Variants in CSMD1 observed in about 807,000 individuals in gnomAD.
CSMD1 encodes the protein CUB and Sushi multiple domains 1.
Under a neutral mutation model 417.5 loss-of-function variants are expected in CSMD1, and 213 were observed. That is an observed-to-expected ratio of 0.51 (90% CI 0.46 to 0.57). The LOEUF (loss-of-function observed/expected upper bound fraction) is 0.57, where lower values mean the gene tolerates loss of function less well. Among genes scored for constraint, CSMD1 ranks in the 20% least tolerant of loss-of-function variants. The pLI is 0.00. For missense variants in CSMD1, 6,923 were observed against 4,529.7 expected (o/e 1.53, Z -15.17); for synonymous variants, 2,862 against 1,736.8 (o/e 1.65, Z -16.11).
intron 3 of CSMD1, among the ~76,000 whole-genome samples, chr8:4,116,027 GTCTCAC>G: frequency 6.7e-6 from 1 of 150,276 alleles, no homozygotes; most frequent in Non-Finnish European, 1.5e-5. Flanking sequence ...TGGAGAGGGA[GTCTCAC>G]TCTGTCTCCC....
At chr8:4,763,803 A>G (rs902642308) in intron 1 of CSMD1, among the ~76,000 whole-genome samples, 2 of 152,230 alleles carry the variant, frequency 1.3e-5, no homozygotes, top group African/African-American at 2.4e-5. Context: ...AAAGACTGCA[A>G]TTAAAATTAT....
intron 1 of CSMD1, among the ~76,000 whole-genome samples, chr8:4,738,414 G>C (rs1810380398): frequency 2.0e-5 from 3 of 152,112 alleles, no homozygotes; most frequent in African/African-American, 7.2e-5. Context: ...GAAGGAGAAG[G>C]GCTGAGCGAA....
intron 36 of CSMD1, among the ~76,000 whole-genome samples, chr8:3,181,439 C>T (rs749128256): frequency 3.9e-5 from 6 of 152,200 alleles, no homozygotes; most frequent in Non-Finnish European, 8.8e-5. Flanking sequence ...GTCGATGTGA[C>T]ACCTTTCTCT....
intron 1 of CSMD1, among the ~76,000 whole-genome samples, chr8:4,704,700 C>T (rs772080981): frequency 6.6e-6 from 1 of 152,142 alleles, no homozygotes; most frequent in Non-Finnish European, 1.5e-5. Context: ...TGTTTGTTTG[C>T]TTGTGTGCTT....
intron 2 of CSMD1, among the ~76,000 whole-genome samples, chr8:4,628,470 G>A (rs139922935): frequency 0.014 from 2,065 of 147,216 alleles, 24 homozygotes; most frequent in Middle Eastern, 0.065. Context: ...ATATGTATAT[G>A]TATATATACA....
chr8:3,208,318 G>C (rs1264992935), intron 30 of CSMD1, among the ~76,000 whole-genome samples: 1 of 152,166 alleles, frequency 6.6e-6, no homozygotes, highest in African/African-American at 2.4e-5. Flanking sequence ...CCAGGCTGGA[G>C]TGCAGTGGTG....
At chr8:3,623,886 A>G (rs1269417363) in intron 7 of CSMD1, among the ~76,000 whole-genome samples, 1 of 152,102 alleles carries the variant, frequency 6.6e-6, no homozygotes, top group Non-Finnish European at 1.5e-5. Flanking sequence ...CTGAGGCAGG[A>G]GAATCGCTTG....
intron 49 of CSMD1, among the ~76,000 whole-genome samples, chr8:3,075,105 G>A (rs7840624): frequency 6.6e-6 from 1 of 151,942 alleles, no homozygotes; most frequent in East Asian, 1.9e-4. Flanking sequence ...TTTGCTAGGC[G>A]ATGTGCCTGA....
chr8:4,064,102 C>T (rs927905722), intron 3 of CSMD1, among the ~76,000 whole-genome samples: 2 of 152,154 alleles, frequency 1.3e-5, no homozygotes, highest in African/African-American at 4.8e-5. Context: ...ATCTACTCTC[C>T]TGCAGCAAAG....
intron 3 of CSMD1, among the ~76,000 whole-genome samples, chr8:4,358,739 A>G (rs1032003307): frequency 1.3e-5 from 2 of 151,872 alleles, no homozygotes; most frequent in South Asian, 4.1e-4. Context: ...TCTCAAGATA[A>G]GTGTATATGA....
chr8:4,016,381 G>A (rs1311402715), intron 4 of CSMD1, among the ~76,000 whole-genome samples: 5 of 152,070 alleles, frequency 3.3e-5, no homozygotes, highest in African/African-American at 9.7e-5. Context: ...TTGGCTTCCC[G>A]AGATGATCGA....
chr8:4,880,169 G>T (rs1803302038), intron 1 of CSMD1, among the ~76,000 whole-genome samples: 1 of 151,402 alleles, frequency 6.6e-6, no homozygotes, highest in Non-Finnish European at 1.5e-5. Flanking sequence ...CAGACATGTG[G>T]CTGAATTTCT....
intron 52 of CSMD1, among the ~76,000 whole-genome samples, chr8:3,012,823 C>T (rs1808504404): frequency 6.6e-6 from 1 of 152,074 alleles, no homozygotes; most frequent in Non-Finnish European, 1.5e-5. Flanking sequence ...TGGCTGTGTC[C>T]CCACCCAAAT....
chr8:4,287,639 C>G (rs929674049), intron 3 of CSMD1, among the ~76,000 whole-genome samples: 21 of 145,788 alleles, frequency 1.4e-4, no homozygotes, highest in African/African-American at 5.2e-4. Context: ...ATGCTGGCTG[C>G]AGTCTCGTCA....
chr8:4,823,041 G>A (rs1186849804), intron 1 of CSMD1, among the ~76,000 whole-genome samples: 2 of 152,002 alleles, frequency 1.3e-5, no homozygotes, highest in Non-Finnish European at 2.9e-5. Flanking sequence ...CACTGTGTCT[G>A]TGAAATGCAT....
rs112380192 is a variant in CSMD1 at position 4,023,961 on chromosome 8, C to A, written c.610+7944G>T. Among the ~76,000 whole-genome samples the A allele has an allele frequency of 6.8e-3, 1,037 of 151,578 alleles. 57 individuals are homozygous for A. In the East Asian group the frequency reaches 0.14, roughly 20 times the overall value. On this transcript the variant is annotated intron_variant, in intron 4 of 69. Transcript: ENST00000635120. The stretch of plus-strand genomic sequence containing the variant: ...AAGCAGACTTTAGATACATTAAGAG[C>A]GACTTCATTATTATTATTTAATTAA...
At chr8:3,494,286 G>A (rs566782071) in intron 10 of CSMD1, among the ~76,000 whole-genome samples, 2 of 152,086 alleles carry the variant, frequency 1.3e-5, no homozygotes, top group East Asian at 3.9e-4. Flanking sequence ...GCAGCACCAA[G>A]ACATCTGTAC....
chr8:3,470,759 A>C (rs4606082), intron 11 of CSMD1, among the ~76,000 whole-genome samples: 16,810 of 152,234 alleles, frequency 0.11, 1,229 homozygotes, highest in East Asian at 0.34. Flanking sequence ...AAAAAATCAT[A>C]CAAATGAAAT....
At chr8:4,051,209 C>T (rs1173563333) in intron 3 of CSMD1, among the ~76,000 whole-genome samples, 1 of 151,504 alleles carries the variant, frequency 6.6e-6, no homozygotes. Context: ...AGAGCACAGC[C>T]TCCCAGGGAC....
Sources: allele counts gnomAD v4.1 joint callset (sites outside exome capture counted in the v4.1 genomes callset), GRCh38; gene constraint gnomAD v4.1.1; transcripts MANE v1.5; gene names NCBI Gene and HGNC (gene_info 2026-07-23, HGNC 2026-07-21).